The following HIF1AN variants were observed in gnomAD, a reference collection of about 807,000 sequenced individuals.
HIF1AN encodes hypoxia-inducible factor 1-alpha inhibitor.
Under a neutral mutation model 47.7 loss-of-function variants are expected in HIF1AN, and 21 were observed. That is an observed-to-expected ratio of 0.44 (90% CI 0.31 to 0.63). HIF1AN has a LOEUF of 0.63. Among genes scored for constraint, HIF1AN ranks in the 30% least tolerant of loss-of-function variants. The pLI is 0.07. For missense variants in HIF1AN, 320 were observed against 432.7 expected (o/e 0.74, Z 2.31); for synonymous variants, 152 against 155.9 (o/e 0.98, Z 0.18).
At position 100,550,066 on chromosome 10, in the gene HIF1AN, A is replaced by C. The variant is rs1271341117; in HGVS notation, c.*1929A>C. The C allele has an allele frequency of 6.6e-6, 1 of 152,140 alleles. No individual in the cohort carries two copies. The highest frequency in any genetic ancestry group is 6.5e-5 in the Admixed American group (1 of 15,270). 9.4% of individuals were successfully genotyped at this position (152,140 alleles called of 1,614,324 possible). On this transcript the variant is annotated 3_prime_UTR_variant, in exon 8 of 8. Coordinates refer to ENST00000299163, the MANE Select transcript of HIF1AN (RefSeq NM_017902.3). ...AAAGAGGAGCACAGGAGCGGAGGAA[A>C]AACTTGGCCACAGTCACACTTGGAA...
chr10:100,542,846 G>GTTTTTTTTTTTTT (rs397730143), intron 3 of HIF1AN, among the ~76,000 whole-genome samples: 1 of 111,762 alleles, frequency 8.9e-6, no homozygotes, highest in Non-Finnish European at 1.7e-5. Flanking sequence ...ATGTGAATGT[G>GTTTTTTTTTTTTT]TTTTTTTTTT....
Position 100,557,140 on chromosome 10 carries a change from T to TG in HIF1AN, c.*9006dup, listed in dbSNP as rs1170654378. ...GGAACAGGAACAGAGACCTTGGTTC[T>TG]GGGTTGCCATCTGATTCCCAGAAGA... On this transcript the variant is annotated 3_prime_UTR_variant, in exon 8 of 8. Transcript: ENST00000299163. The TG allele has an allele frequency of 6.6e-6, 1 of 152,342 alleles. No homozygotes were observed. The highest frequency in any genetic ancestry group is 6.5e-5 in the Admixed American group (1 of 15,290). 9.4% of individuals were successfully genotyped at this position (152,342 alleles called of 1,614,324 possible). A position where few individuals can be genotyped will look rare whatever the true frequency, so the allele number is the denominator to read the frequency against.
Position 100,550,348 on chromosome 10 carries a change from T to G in HIF1AN, c.*2211T>G, listed in dbSNP as rs779137979. 6.6e-6 allele frequency: 1 copy of G among 152,230 alleles called. No homozygotes were observed. The highest frequency in any genetic ancestry group is 1.5e-5 in the Non-Finnish European group (1 of 68,046). 9.4% of individuals were successfully genotyped at this position (152,230 alleles called of 1,614,324 possible). A position where few individuals can be genotyped will look rare whatever the true frequency, so the allele number is the denominator to read the frequency against. ...TAGACACCTAATATGTGCCTAGTGC[T>G]TTTCTCTTTGTTCCTCACTATCCTG... On this transcript the variant is annotated 3_prime_UTR_variant, in exon 8 of 8. Coordinates refer to ENST00000299163, the MANE Select transcript of HIF1AN (RefSeq NM_017902.3).
Position 100,544,962 on chromosome 10 carries a change from C to T in HIF1AN, c.589C>T (p.Pro197Ser), listed in dbSNP as rs779457120. ...CTTTCTTCTTACAGGAAATGTGACA[C>T]CTGCTCACTATGATGAGCAGCAGAA... Reference protein sequence around the residue: ...LLIGMEGNVTPAHYDEQQNFF... With the variant: ...LLIGMEGNVTSAHYDEQQNFF... Residue 197 changes from proline (P) to serine (S), a missense_variant, in exon 4 of 8, where the codon CCT becomes TCT. Physicochemically the swap from Pro to Ser is moderately conservative, Grantham distance 74. This residue lies in a region of HIF1AN where 161 missense variants were observed against 272.8 expected (regional missense o/e 0.59). Transcript: ENST00000299163. The T allele has an allele frequency of 1.2e-6, 2 of 1,614,060 alleles. No homozygotes were observed. The highest frequency in any genetic ancestry group is 1.7e-6 in the Non-Finnish European group (2 of 1,179,926).
At chr10:100,543,476 G>T (rs1266580972) in intron 3 of HIF1AN, among the ~76,000 whole-genome samples, 2 of 152,038 alleles carry the variant, frequency 1.3e-5, no homozygotes, top group African/African-American at 2.4e-5. Context: ...GCCCCCTAAA[G>T]TGTTGGGATT....
chr10:100,545,119 G>C (rs770581704), intron 4 of HIF1AN, 23 bp downstream of exon 4: 3 of 1,612,870 alleles, frequency 1.9e-6, no homozygotes, highest in Non-Finnish European at 2.5e-6. Flanking sequence ...GGTCTGAGAA[G>C]GGTATAGAAC....
chr10:100,556,183 C>T lies in HIF1AN; in HGVS notation c.*8046C>T, dbSNP rs1449924460. ...CAGAGCAGAGGTATAAGTGTCAACT[C>T]ATGCTTGTGTTACCAGTTCCTACCC... On this transcript the variant is annotated 3_prime_UTR_variant, in exon 8 of 8. Transcript: ENST00000299163. 1.3e-5 allele frequency: 2 copies of T among 152,206 alleles called. No homozygotes were observed. The highest frequency in any genetic ancestry group is 2.9e-5 in the Non-Finnish European group (2 of 68,046). The allele number at this position is 152,206 out of a possible 1,614,324, so 9.4% of individuals were successfully genotyped here.
chr10:100,543,090 A>G (rs553090571), intron 3 of HIF1AN, among the ~76,000 whole-genome samples: 2 of 152,184 alleles, frequency 1.3e-5, no homozygotes, highest in African/African-American at 4.8e-5. Context: ...TTCTTGTTTG[A>G]TTGTCTGTTC....
intron 2 of HIF1AN, among the ~76,000 whole-genome samples, 164 bp from the exon 3 acceptor site, chr10:100,540,470 A>T (rs1032786516): frequency 6.6e-6 from 1 of 152,138 alleles, no homozygotes; most frequent in Non-Finnish European, 1.5e-5. Context: ...ATAAGTAAGA[A>T]TTCAGTTGTA....
At chr10:100,536,847 C>T (rs1204725176) in intron 2 of HIF1AN, among the ~76,000 whole-genome samples, 186 bp downstream of exon 2, 1 of 152,122 alleles carries the variant, frequency 6.6e-6, no homozygotes, top group Non-Finnish European at 1.5e-5. Context: ...GTTCTTGGTG[C>T]TACAGCCAGC....
intron 7 of HIF1AN, 131 bp from the exon 8 acceptor site, chr10:100,547,962 A>G: frequency 1.3e-6 from 1 of 798,184 alleles, no homozygotes. Flanking sequence ...AGGTGATTAG[A>G]GGATTCACAA....
Position 100,546,038 on chromosome 10 carries a change from C to T in HIF1AN, c.819C>T (p.Ile273=), listed in dbSNP as rs1843090595. Residue 273 remains isoleucine, a synonymous_variant, in exon 5 of 8, where the codon ATC becomes ATT. Coordinates refer to ENST00000299163, the MANE Select transcript of HIF1AN (RefSeq NM_017902.3). The stretch of plus-strand genomic sequence containing the variant: ...TTGGCCCTGGTGATGTTCTTTACAT[C>T]CCAATGTACTGGTGAGAAGGGGGCT... ...TVVGPGDVLY[I]PMYWWHHIES... is the part of the protein sequence containing the mutation. 4 of 1,611,010 alleles carry T rather than the reference C, an allele frequency of 2.5e-6. No individual in the cohort carries two copies. The highest frequency in any genetic ancestry group is 3.4e-6 in the Non-Finnish European group (4 of 1,177,388).
rs1246594798 is a variant in HIF1AN, at chr10:100,558,676, G to A, written c.*10539G>A. ...TTTATGTAATGGAGGCCATGTGATA[G>A]GGCTTTATGAGGCCACAAATAGCAC... On this transcript the variant is annotated 3_prime_UTR_variant, in exon 8 of 8. Coordinates refer to ENST00000299163, the MANE Select transcript of HIF1AN (RefSeq NM_017902.3). The A allele has an allele frequency of 3.9e-5, 6 of 152,292 alleles. No homozygotes were observed. Among genetic ancestry groups the A allele is most frequent in the Non-Finnish European group, 1.5e-5 (1 of 68,020 alleles). The allele number at this position is 152,292 out of a possible 1,614,324, so 9.4% of individuals were successfully genotyped here.
rs1190975439 is a variant in HIF1AN, at chr10:100,554,797, A to G, written c.*6660A>G. The stretch of plus-strand genomic sequence containing the variant: ...CTCCAGCCTGGGTGACTACAGTGAG[A>G]CTCCCTCTCAAAAAAAAAAAAAAAA... On this transcript the variant is annotated 3_prime_UTR_variant, in exon 8 of 8. Transcript: ENST00000299163. The G allele has an allele frequency of 7.1e-6, 1 of 140,382 alleles. No homozygotes were observed. The highest frequency in any genetic ancestry group is 2.8e-5 in the African/African-American group (1 of 36,062). 8.7% of individuals were successfully genotyped at this position (140,382 alleles called of 1,614,324 possible).
rs989706394 is a variant in HIF1AN, at chr10:100,536,102, C to T, written c.144C>T (p.Ser48=). The change falls in exon 1 of 8, where the codon AGC becomes AGT. Residue 48 remains serine, a synonymous_variant. Transcript: ENST00000299163. ...GGCCCATTCCGCGTCTGAGTCAGAG[C>T]GACCCCCGGGCAGAGGAGCTTATTG... ...PTRPIPRLSQ[S]DPRAEELIEN... is the part of the protein sequence containing the mutation. 5.0e-6 allele frequency: 8 copies of T among 1,607,920 alleles called. No homozygotes were observed. The highest frequency in any genetic ancestry group is 6.8e-6 in the Non-Finnish European group (8 of 1,177,312).
At chr10:100,536,256 G>T in intron 1 of HIF1AN, 121 bp downstream of exon 1, 1 of 1,293,978 alleles carries the variant, frequency 7.7e-7, no homozygotes, top group Non-Finnish European at 1.1e-6. Flanking sequence ...TGGGAAGATG[G>T]AGAGAAAGGC....
At chr10:100,538,144 A>G (rs1449716899) in intron 2 of HIF1AN, among the ~76,000 whole-genome samples, 3 of 152,250 alleles carry the variant, frequency 2.0e-5, no homozygotes, top group Non-Finnish European at 2.9e-5. Flanking sequence ...TGTGTCCCAT[A>G]GTGAGAGCAT....
chr10:100,551,157 T>C lies in HIF1AN; in HGVS notation c.*3020T>C, dbSNP rs1465542258. 1 of 152,120 alleles carries C rather than the reference T, an allele frequency of 6.6e-6. No individual in the cohort carries two copies. The highest frequency in any genetic ancestry group is 1.5e-5 in the Non-Finnish European group (1 of 68,040). The allele number at this position is 152,120 out of a possible 1,614,324, so 9.4% of individuals were successfully genotyped here. The stretch of plus-strand genomic sequence containing the variant: ...GTTGGAGGAGGGGCTGTTCTGGGCA[T>C]CAGTTGAGCAGATGCCCAGGATGCC... On this transcript the variant is annotated 3_prime_UTR_variant, in exon 8 of 8. Transcript: ENST00000299163.
At chr10:100,546,472 G>T in intron 5 of HIF1AN, 46 bp from the exon 6 acceptor site, 4 of 301,978 alleles carry the variant, frequency 1.3e-5, no homozygotes, top group Non-Finnish European at 2.0e-5. Flanking sequence ...CTCCGCCCCC[G>T]CCAAAAGTAT....
Sources: allele counts gnomAD v4.1 joint callset (sites outside exome capture counted in the v4.1 genomes callset), GRCh38; gene constraint gnomAD v4.1.1; regional missense constraint gnomAD v4.1.1; transcripts MANE v1.5; gene names NCBI Gene and HGNC (gene_info 2026-07-23, HGNC 2026-07-21).